Variants in TTC23 observed in about 807,000 individuals in gnomAD.
The protein encoded by TTC23 is tetratricopeptide repeat protein 23.
TTC23 carries 58 observed loss-of-function variants against 55.1 expected under a neutral mutation model. That is an observed-to-expected ratio of 1.05 (90% CI 0.85 to 1.31). The LOEUF is 1.31. TTC23 is among the 50% of genes most tolerant of loss of function. TTC23 has a pLI of 0.00. For synonymous variants in TTC23, 203 were observed against 199.9 expected, an observed-to-expected ratio of 1.02 and a Z score of -0.13; for missense variants, 516 against 534.4, an observed-to-expected ratio of 0.97 and a Z score of 0.34.
At chr15:99,157,110 T>C (rs1242253670) in intron 11 of TTC23, 2 of 147,588 alleles carry the variant, frequency 1.4e-5, no homozygotes, top group Admixed American at 1.4e-4. Flanking sequence ...AGGATCTGAA[T>C]CCAGCCAGTG....
Position 99,139,399 on chromosome 15 carries a change from A to C in TTC23, c.1144T>G (p.Cys382Gly). 1 of 1,614,160 alleles carries C rather than the reference A, an allele frequency of 6.2e-7. No individual in the cohort carries two copies. Among genetic ancestry groups the C allele is most frequent in the East Asian group, 2.2e-5 (1 of 44,888 alleles). The change falls in exon 13 of 14, where the codon TGT becomes GGT. Residue 382 changes from cysteine to glycine, a missense_variant and splice_region_variant. By Grantham distance (159) the Cys-to-Gly change is radical. Coordinates refer to ENST00000394132, the MANE Select transcript of TTC23 (RefSeq NM_001288615.3). ...TATAAGAGGGTCTGGATCTGGAGAC[A>C]CTGTAGAACACCAAGCAGCTATCAT... is the stretch of plus-strand genomic sequence containing the variant. ...HSGARKKLKK[C>G]LQIQTLLYGP...
At chr15:99,191,445 T>C (rs2151969280) in intron 9 of TTC23, among the ~76,000 whole-genome samples, 1 of 152,330 alleles carries the variant, frequency 6.6e-6, no homozygotes, top group Admixed American at 6.5e-5. Context: ...ACTATGTGCA[T>C]ATTATCACTT....
At chr15:99,246,400 G>A (rs943189854) in intron 1 of TTC23, among the ~76,000 whole-genome samples, 2 of 152,160 alleles carry the variant, frequency 1.3e-5, no homozygotes, top group African/African-American at 4.8e-5. Flanking sequence ...CAAATCACGA[G>A]GTCAAGAGTT....
chr15:99,220,546 T>G (rs1215438354), intron 6 of TTC23, among the ~76,000 whole-genome samples: 2 of 152,056 alleles, frequency 1.3e-5, no homozygotes. Flanking sequence ...CAAAATGGGG[T>G]GGGAGGGCAG....
At chr15:99,193,286 A>G (rs755300075) in intron 9 of TTC23, among the ~76,000 whole-genome samples, 4 of 152,168 alleles carry the variant, frequency 2.6e-5, no homozygotes, top group Non-Finnish European at 4.4e-5. Flanking sequence ...GGGCAGAATG[A>G]TATGGTTTGG....
At chr15:99,194,379 C>G (rs2075513987) in intron 9 of TTC23, among the ~76,000 whole-genome samples, 1 of 151,836 alleles carries the variant, frequency 6.6e-6, no homozygotes, top group African/African-American at 2.4e-5. Flanking sequence ...GTAATTAAGA[C>G]AGTGTGGCAG....
intron 3 of TTC23, among the ~76,000 whole-genome samples, chr15:99,237,245 G>T (rs1470713193): frequency 1.3e-5 from 2 of 151,980 alleles, no homozygotes; most frequent in Non-Finnish European, 2.9e-5. Context: ...GCTTCCCAAA[G>T]TTGTGGAACT....
intron 4 of TTC23, among the ~76,000 whole-genome samples, chr15:99,230,543 C>T (rs1255260661): frequency 2.6e-5 from 4 of 151,836 alleles, no homozygotes; most frequent in African/African-American, 7.3e-5. Flanking sequence ...GAAAACTATA[C>T]CAAATAAAGT....
At chr15:99,212,410 TG>T (rs1381186629) in intron 8 of TTC23, among the ~76,000 whole-genome samples, 1 of 152,246 alleles carries the variant, frequency 6.6e-6, no homozygotes, top group East Asian at 1.9e-4. Flanking sequence ...TGCCCCTTTT[TG>T]TAAGTGACTT....
chr15:99,181,177 T>C (rs780952162), intron 9 of TTC23, among the ~76,000 whole-genome samples: 2 of 152,238 alleles, frequency 1.3e-5, no homozygotes, highest in Admixed American at 6.5e-5. Context: ...CCAAACTGCA[T>C]ACTTTTCCAG....
At chr15:99,174,523 T>C (rs1173887673) in intron 10 of TTC23, among the ~76,000 whole-genome samples, 1 of 151,566 alleles carries the variant, frequency 6.6e-6, no homozygotes, top group African/African-American at 2.4e-5. Flanking sequence ...CATTGTATGC[T>C]CTGTACGTGG....
In TTC23 at chr15:99,238,132, A is replaced by AT. The variant is rs890074091; in HGVS notation, c.-113-3053dup. The stretch of plus-strand genomic sequence containing the variant: ...AGGCATGCACCACCATGCCTGGCTA[A>AT]TTTTTTTTTTTCTTTCAGTAGAGAT... On this transcript the variant is annotated intron_variant, in intron 3 of 13. Coordinates refer to ENST00000394132, the MANE Select transcript of TTC23 (RefSeq NM_001288615.3). 1.8e-4 allele frequency among the ~76,000 whole-genome samples: 27 copies of AT among 147,528 alleles called. No individual in the cohort carries two copies. In the East Asian group the frequency reaches 2.2e-3, roughly 12 times the overall value.
At chr15:99,232,444 A>G (rs542703731) in intron 4 of TTC23, among the ~76,000 whole-genome samples, 3 of 150,402 alleles carry the variant, frequency 2.0e-5, no homozygotes, top group Non-Finnish European at 4.4e-5. Context: ...AAGCCACTGC[A>G]CTCCAGCCTG....
intron 4 of TTC23, among the ~76,000 whole-genome samples, chr15:99,229,799 A>G (rs984121118): frequency 1.3e-5 from 2 of 152,236 alleles, no homozygotes; most frequent in African/African-American, 4.8e-5. Context: ...CTAATTCATG[A>G]GGCATTAGAT....
intron 12 of TTC23, among the ~76,000 whole-genome samples, chr15:99,153,019 G>C (rs1336581568): frequency 1.3e-5 from 2 of 152,074 alleles, no homozygotes; most frequent in Non-Finnish European, 2.9e-5. Context: ...AGCTGGTCTC[G>C]AACTCCTGGT....
intron 9 of TTC23, among the ~76,000 whole-genome samples, chr15:99,198,884 T>A (rs2075966100): frequency 6.6e-6 from 1 of 152,216 alleles, no homozygotes; most frequent in Non-Finnish European, 1.5e-5. Context: ...GGTCTGTATC[T>A]TACAACTTTT....
chr15:99,153,860 G>A (rs917176312), intron 12 of TTC23, among the ~76,000 whole-genome samples: 1 of 152,078 alleles, frequency 6.6e-6, no homozygotes, highest in Non-Finnish European at 1.5e-5. Context: ...CAAGGAAAAA[G>A]AGAGAAAACC....
At chr15:99,250,136 C>A (rs538125396), upstream of TTC23, among the ~76,000 whole-genome samples, 1 of 152,088 alleles carries the variant, frequency 6.6e-6, no homozygotes, top group African/African-American at 2.4e-5. Context: ...CCATTAAACA[C>A]CGTATCTTTG....
At chr15:99,196,020 C>T (rs1484902488) in intron 9 of TTC23, among the ~76,000 whole-genome samples, 1 of 151,708 alleles carries the variant, frequency 6.6e-6, no homozygotes, top group African/African-American at 2.4e-5. Flanking sequence ...GGCATGGTGG[C>T]ACACGCCTGT....
Sources: gnomAD v4.1 joint callset for allele counts (sites outside exome capture counted in the v4.1 genomes callset) on GRCh38, gnomAD v4.1.1 for gene constraint, MANE v1.5 for transcripts, NCBI Gene and HGNC (gene_info 2026-07-23, HGNC 2026-07-21) for gene names.